The following APC2 variants were observed in gnomAD, a reference collection of about 807,000 sequenced individuals.
The protein encoded by APC2 is APC regulator of Wnt signaling pathway 2.
Under a neutral mutation model 72.5 loss-of-function variants are expected in APC2, and 41 were observed. That is an observed-to-expected ratio of 0.57 (90% CI 0.44 to 0.73). APC2 has a LOEUF of 0.73. Ranked by LOEUF, APC2 falls within the 30% of genes least tolerant of loss-of-function variation. The pLI is 0.00. For synonymous variants in APC2, 1,898 were observed against 1,612.0 expected, an observed-to-expected ratio of 1.18 and a Z score of -4.25; for missense variants, 3,729 against 3,403.4, an observed-to-expected ratio of 1.10 and a Z score of -2.38.
upstream of APC2, among the ~76,000 whole-genome samples, chr19:1,449,953 G>T (rs1405019029): frequency 2.0e-5 from 3 of 151,980 alleles, no homozygotes; most frequent in Admixed American, 2.0e-4. Context: ...GGGGGGTTTC[G>T]CCCCCCGCAC....
rs1244307346 is a variant in APC2 at position 1,467,086 on chromosome 19, G to C, written c.3785G>C (p.Arg1262Pro). ...TCTGAGCTGGACGCAGGCAGCGTGC[G>C]CTTTACCGTGGAGAAGCCAGACGAG... ...LPSELDAGSV[R>P]FTVEKPDENF... Residue 1262 changes from arginine (R) to proline (P), a missense_variant, in exon 15 of 15, where the codon CGC (arginine) becomes CCC (proline). Transcript: ENST00000590469. The C allele has an allele frequency of 1.9e-6, 3 of 1,609,784 alleles. No individual in the cohort carries two copies. The highest frequency in any genetic ancestry group is 2.2e-5 in the South Asian group (2 of 90,958).
chr19:1,463,335 G>A (rs986037127), intron 14 of APC2, among the ~76,000 whole-genome samples: 9 of 149,370 alleles, frequency 6.0e-5, no homozygotes, highest in Middle Eastern at 3.5e-3. Flanking sequence ...GGAAAATGGC[G>A]TGAACCCGGG....
chr19:1,459,680 C>G (rs1441683492), intron 10 of APC2, among the ~76,000 whole-genome samples: 1 of 152,230 alleles, frequency 6.6e-6, no homozygotes, highest in Non-Finnish European at 1.5e-5. Context: ...CTCTGACTCA[C>G]AGGCGCCATC....
At chr19:1,456,783 G>A in intron 8 of APC2, 70 bp from the exon 9 acceptor site, 1 of 1,523,734 alleles carries the variant, frequency 6.6e-7, no homozygotes, top group South Asian at 1.2e-5. Context: ...GGGTCACAGG[G>A]CTCCGACCGG....
chr19:1,471,696 C>G lies in APC2; in HGVS notation c.*1483C>G, dbSNP rs2084137094. On this transcript the variant is annotated 3_prime_UTR_variant, in exon 15 of 15. Coordinates refer to ENST00000590469, the MANE Select transcript of APC2 (RefSeq NM_005883.3). ...CGTGCCTTCTCCAGGAGGAACGAAG[C>G]AGGGTTTGAGGGTTGGGTGGATGGA... The G allele has an allele frequency of 6.6e-6, 1 of 152,296 alleles. No homozygotes were observed. The highest frequency in any genetic ancestry group is 2.4e-5 in the African/African-American group (1 of 41,464). The allele number at this position is 152,296 out of a possible 1,614,324, so 9.4% of individuals were successfully genotyped here.
rs747020134 is a variant in APC2 at position 1,465,908 on chromosome 19, C to G, written c.2607C>G (p.Asp869Glu). 1 of 1,582,944 alleles carries G rather than the reference C, an allele frequency of 6.3e-7. No individual in the cohort carries two copies. Among genetic ancestry groups the G allele is most frequent in the Non-Finnish European group, 8.6e-7 (1 of 1,168,290 alleles). The stretch of plus-strand genomic sequence containing the variant: ...TCTCCGCCCTGCACACCTCGTCCGA[C>G]GATAGCTTCAGCCTCAGCTCTGGAG... Reference protein sequence around the residue: ...EDISALHTSSDDSFSLSSGDP... With the variant: ...EDISALHTSSEDSFSLSSGDP... Residue 869 changes from aspartate to glutamate, a missense_variant, in exon 15 of 15, where the codon GAC becomes GAG. Physicochemically the swap from Asp to Glu is conservative, Grantham distance 45. Coordinates refer to ENST00000590469, the MANE Select transcript of APC2 (RefSeq NM_005883.3).
In APC2 at chr19:1,469,196, G is replaced by A; in HGVS notation, c.5895G>A (p.Ala1965=). The A allele has an allele frequency of 3.1e-6, 4 of 1,305,952 alleles. No homozygotes were observed. The highest frequency in any genetic ancestry group is 1.9e-5 in the South Asian group (1 of 52,342). 80.9% of individuals were successfully genotyped at this position (1,305,952 alleles called of 1,614,324 possible). The change falls in exon 15 of 15, where the codon GCG becomes GCA. Residue 1965 remains alanine, a synonymous_variant. Coordinates refer to ENST00000590469, the MANE Select transcript of APC2 (RefSeq NM_005883.3). ...CGGGGACCGAGGCGGGCCCGGGGGC[G>A]CGCGGGGGCCGCCTGGGCCTGGTGC... The part of the protein sequence containing the change: ...GRAGTEAGPG[A]RGGRLGLVRV...
chr19:1,456,770 C>CA, intron 8 of APC2, 83 bp from the exon 9 acceptor site: 4 of 1,487,424 alleles, frequency 2.7e-6, no homozygotes, highest in Non-Finnish European at 3.6e-6. Context: ...GGGGACGGGG[C>CA]AGGGGTCACA....
chr19:1,469,075 G>T lies in APC2; in HGVS notation c.5774G>T (p.Arg1925Ile). 1 of 1,514,186 alleles carries T rather than the reference G, an allele frequency of 6.6e-7. No homozygotes were observed. The highest frequency in any genetic ancestry group is 8.8e-7 in the Non-Finnish European group (1 of 1,131,062). The allele number at this position is 1,514,186 out of a possible 1,614,324, so 93.8% of individuals were successfully genotyped here. Reference sequence around the variant, plus strand: ...CTGGCGAAGCAGCACAAGACGCAGAGATCGCCCGTGCGGATCCCGTTCATG... The same window carrying T: ...CTGGCGAAGCAGCACAAGACGCAGATATCGCCCGTGCGGATCCCGTTCATG... ...TLLAKQHKTQRSPVRIPFMQR... is the reference protein window; with the variant it reads ...TLLAKQHKTQISPVRIPFMQR... The change falls in exon 15 of 15, where the codon AGA (arginine) becomes ATA (isoleucine). Residue 1925 changes from arginine (R) to isoleucine (I), a missense_variant. Transcript: ENST00000590469.
Position 1,466,724 on chromosome 19 carries a change from C to T in APC2, c.3423C>T (p.Asp1141=), listed in dbSNP as rs1326429313. ...GAGGCCGGGGCCTGGGGGTGGAAGA[C>T]GCCACGCCGTCCAGCTCGTCGGAGA... is the stretch of plus-strand genomic sequence containing the variant. ...RNRGRGLGVE[D]ATPSSSSENY... Residue 1141 remains aspartate (D), a synonymous_variant, in exon 15 of 15, where the codon GAC becomes GAT. Transcript: ENST00000590469. 15 of 1,537,112 alleles carry T rather than the reference C, an allele frequency of 9.8e-6. No homozygotes were observed. Among genetic ancestry groups the T allele is most frequent in the Non-Finnish European group, 1.1e-5 (13 of 1,139,962 alleles).
rs750358252 is a variant in APC2 at position 1,468,023 on chromosome 19, G to A, written c.4722G>A (p.Pro1574=). ...CCAGCCTCATTGCTGACGAGACCCC[G>A]CCCTGCTACTCCCTGAGCTCCTCCG... is the stretch of plus-strand genomic sequence containing the variant. ...TQPSLIADET[P]PCYSLSSSAS... The change falls in exon 15 of 15, where the codon CCG becomes CCA. Residue 1574 remains proline (P), a synonymous_variant. Transcript: ENST00000590469. 26 of 1,584,758 alleles carry A rather than the reference G, an allele frequency of 1.6e-5. No individual in the cohort carries two copies. Among genetic ancestry groups the A allele is most frequent in the South Asian group, 1.1e-5 (1 of 89,632 alleles).
upstream of APC2, chr19:1,450,103 C>T (rs950636284): frequency 3.1e-6 from 3 of 979,816 alleles, no homozygotes; most frequent in Non-Finnish European, 3.6e-6. Context: ...ATCCCTCATC[C>T]CGCATCCTCC....
In APC2 at chr19:1,470,202, C is replaced by T; in HGVS notation, c.6901C>T (p.Leu2301Phe). ...EKAPATASATLLE is the reference protein window; with the variant it reads ...EKAPATASATFLE ...AGCCCCGGCCACTGCCTCCGCCACC[C>T]TCCTGGAATAGTGGCCTAGGCCGGC... Residue 2301 changes from leucine (L) to phenylalanine (F), a missense_variant, in exon 15 of 15, where the codon CTC becomes TTC. By Grantham distance (22) the Leu-to-Phe change is conservative. Coordinates refer to ENST00000590469, the MANE Select transcript of APC2 (RefSeq NM_005883.3). 6.3e-7 allele frequency: 1 copy of T among 1,595,346 alleles called. No homozygotes were observed. The highest frequency in any genetic ancestry group is 8.5e-7 in the Non-Finnish European group (1 of 1,173,104).
At chr19:1,450,115 C>A, upstream of APC2, 1 of 984,200 alleles carries the variant, frequency 1.0e-6, no homozygotes. Flanking sequence ...GCATCCTCCC[C>A]CGCTCGCGGT....
upstream of APC2, among the ~76,000 whole-genome samples, chr19:1,448,579 T>C (rs1035295913): frequency 3.2e-5 from 4 of 125,232 alleles, no homozygotes; most frequent in Non-Finnish European, 6.5e-5. Context: ...GGCGTGGTGG[T>C]TCACGCCTGT....
intron 4 of APC2, among the ~76,000 whole-genome samples, chr19:1,454,668 A>G (rs768415249): frequency 6.8e-6 from 1 of 146,616 alleles, no homozygotes; most frequent in Non-Finnish European, 1.5e-5. Context: ...GGTTCACACC[A>G]TTCTCCCACC....
intron 14 of APC2, among the ~76,000 whole-genome samples, chr19:1,464,630 T>C (rs538034128): frequency 1.0e-4 from 15 of 143,366 alleles, no homozygotes; most frequent in African/African-American, 4.0e-4. Flanking sequence ...TGCTGTTTTT[T>C]CCTTTTTTTT....
chr19:1,461,121 G>A lies in APC2; in HGVS notation c.1606G>A (p.Ala536Thr), dbSNP rs750404019. Residue 536 changes from alanine to threonine, a missense_variant, in exon 13 of 15, where the codon GCC becomes ACC. By Grantham distance (58) the Ala-to-Thr change is moderately conservative (BLOSUM62 0). Transcript: ENST00000590469. ...GCTGAGGGAGGCGGGCAGCGTGACTGCCCTGGTGCAGTGTGTCCTGCGGGC... is the reference window on the plus strand; with the variant it reads ...GCTGAGGGAGGCGGGCAGCGTGACTACCCTGGTGCAGTGTGTCCTGCGGGC... The part of the protein sequence containing the change: ...KVLREAGSVT[A>T]LVQCVLRATK... 1.9e-5 allele frequency: 31 copies of A among 1,612,324 alleles called. No homozygotes were observed.
intron 9 of APC2, 166 bp downstream of exon 9, chr19:1,457,409 A>G (rs1396606796): frequency 3.2e-5 from 32 of 1,008,222 alleles, no homozygotes; most frequent in Non-Finnish European, 4.4e-5. Flanking sequence ...ACGTTGGGAA[A>G]AGACCCGCCC....
Sources: gnomAD v4.1 joint callset for allele counts (sites outside exome capture counted in the v4.1 genomes callset) on GRCh38, gnomAD v4.1.1 for gene constraint, MANE v1.5 for transcripts, NCBI Gene and HGNC (gene_info 2026-07-23, HGNC 2026-07-21) for gene names.